The following RABEPK variants were observed in gnomAD, a reference collection of about 807,000 sequenced individuals.
RABEPK encodes 40 kDa Rab9 effector protein.
A neutral mutation model predicts 34.1 loss-of-function variants in RABEPK; 27 were observed. That is an observed-to-expected ratio of 0.79 (90% CI 0.58 to 1.09). The LOEUF (loss-of-function observed/expected upper bound fraction) is 1.09, where lower values mean the gene tolerates loss of function less well. Ranked by LOEUF, RABEPK falls within the 50% of genes least tolerant of loss-of-function variation. RABEPK has a pLI of 0.00. For missense variants in RABEPK, 449 were observed against 462.6 expected (o/e 0.97, Z 0.27); for synonymous variants, 172 against 169.2 (o/e 1.02, Z -0.13).
chr9:125,206,876 G>A (rs1347625758), intron 2 of RABEPK, among the ~76,000 whole-genome samples: 1 of 152,114 alleles, frequency 6.6e-6, no homozygotes, highest in African/African-American at 2.4e-5. Flanking sequence ...GATCACCTGA[G>A]GTCGGGAGTT....
intron 3 of RABEPK, among the ~76,000 whole-genome samples, chr9:125,211,098 G>A (rs551754466): frequency 5.3e-5 from 8 of 151,252 alleles, no homozygotes; most frequent in South Asian, 2.1e-4. Context: ...TTAGCCAGGC[G>A]TGGTGGCGGG....
At chr9:125,228,423 G>A (rs1354146422) in intron 6 of RABEPK, among the ~76,000 whole-genome samples, 2 of 152,124 alleles carry the variant, frequency 1.3e-5, no homozygotes, top group African/African-American at 4.8e-5. Context: ...TTGGGAGGCT[G>A]AGGCAGGCAT....
chr9:125,227,846 G>T, intron 5 of RABEPK, 64 bp from the exon 6 acceptor site: 4 of 1,459,372 alleles, frequency 2.7e-6, no homozygotes, highest in Middle Eastern at 1.8e-4. Flanking sequence ...AGAGGCTTGG[G>T]CCTGTTTCTC....
At chr9:125,201,030 C>G (rs1829875180) in intron 1 of RABEPK, 124 bp downstream of exon 1, 1 of 357,142 alleles carries the variant, frequency 2.8e-6, no homozygotes, top group Non-Finnish European at 5.6e-6. Flanking sequence ...GCCCAGCCCT[C>G]TAGGAACTTA....
At chr9:125,220,891 G>A (rs1361032091) in intron 5 of RABEPK, 191 bp downstream of exon 5, 2 of 696,944 alleles carry the variant, frequency 2.9e-6, no homozygotes, top group East Asian at 6.2e-5. Context: ...GTGAGGCCTG[G>A]CATGGTGGCT....
chr9:125,207,664 A>T lies in RABEPK; in HGVS notation c.154A>T (p.Ile52Phe), dbSNP rs757495384. 6.2e-7 allele frequency: 1 copy of T among 1,614,052 alleles called. No homozygotes were observed. The highest frequency in any genetic ancestry group is 8.5e-7 in the Non-Finnish European group (1 of 1,180,008). Reference sequence around the variant, plus strand: ...TAATGCCAAGAGAGGGAAGGTCTTCATTGTTGGGGGAGCAAATCCAAACAG... The same window carrying T: ...TAATGCCAAGAGAGGGAAGGTCTTCTTTGTTGGGGGAGCAAATCCAAACAG... ...VGNAKRGKVFIVGGANPNRSF... is the reference protein window; with the variant it reads ...VGNAKRGKVFFVGGANPNRSF... Residue 52 changes from isoleucine to phenylalanine, a missense_variant, in exon 3 of 8, where the codon ATT (isoleucine) becomes TTT (phenylalanine). By Grantham distance (21) the Ile-to-Phe change is conservative (BLOSUM62 0). Coordinates refer to ENST00000373538, the MANE Select transcript of RABEPK (RefSeq NM_005833.4).
rs571634369 is a variant in RABEPK at position 125,211,623 on chromosome 9, T to G, written c.212-1747T>G. Among the ~76,000 whole-genome samples, 3 of 152,238 alleles carry G rather than the reference T, an allele frequency of 2.0e-5. No homozygotes were observed. In the South Asian group the frequency reaches 6.2e-4, roughly 32 times the overall value. On this transcript the variant is annotated intron_variant, in intron 3 of 7. Transcript: ENST00000373538. ...TATCAAGAGGGCTCTTATTCTCCAG[T>G]TTGCCACAGTTTTTGTTACTCCCAC...
At chr9:125,203,120 A>C (rs1191350427) in intron 2 of RABEPK, 54 bp downstream of exon 2, 1 of 1,503,498 alleles carries the variant, frequency 6.7e-7, no homozygotes, top group Admixed American at 1.7e-5. Context: ...TTTCATTTAT[A>C]AGTAGTTTAT....
rs1172540030 is a variant in RABEPK, at chr9:125,207,661, T to G, written c.151T>G (p.Phe51Val). Residue 51 changes from phenylalanine to valine, a missense_variant, in exon 3 of 8, where the codon TTC becomes GTC. Coordinates refer to ENST00000373538, the MANE Select transcript of RABEPK (RefSeq NM_005833.4). ...TGGTAATGCCAAGAGAGGGAAGGTC[T>G]TCATTGTTGGGGGAGCAAATCCAAA... The part of the protein sequence containing the change: ...PVGNAKRGKV[F>V]IVGGANPNRS... 6.2e-7 allele frequency: 1 copy of G among 1,614,170 alleles called. No individual in the cohort carries two copies. Among genetic ancestry groups the G allele is most frequent in the Non-Finnish European group, 8.5e-7 (1 of 1,180,030 alleles).
At chr9:125,214,658 TTTTG>T (rs1830806329) in intron 4 of RABEPK, among the ~76,000 whole-genome samples, 2 of 152,330 alleles carry the variant, frequency 1.3e-5, no homozygotes, top group South Asian at 2.1e-4. Context: ...TCTTTTTGCC[TTTTG>T]TTTGTTTGTT....
intron 4 of RABEPK, among the ~76,000 whole-genome samples, chr9:125,219,957 A>G (rs1440524871): frequency 2.0e-5 from 3 of 152,062 alleles, no homozygotes; most frequent in Admixed American, 6.6e-5. Flanking sequence ...AAGAGGGTTC[A>G]GAGAGGATAT....
Position 125,220,501 on chromosome 9 carries a change from C to G in RABEPK, c.365-38C>G, listed in dbSNP as rs997624170. 3.1e-6 allele frequency: 5 copies of G among 1,593,474 alleles called. No individual in the cohort carries two copies. The African/African-American group carries it at 6.7e-5, about 21-fold the overall frequency. ...AGAGTCAAGGTCAGAAGCCCCTCTA[C>G]CTGGATATTTTAAGTGCCTGCATTC... On this transcript the variant is annotated intron_variant, in intron 4 of 7. Coordinates refer to ENST00000373538, the MANE Select transcript of RABEPK (RefSeq NM_005833.4).
At chr9:125,220,947 G>A (rs359578) in intron 5 of RABEPK, 280,234 of 388,194 alleles carry the variant, frequency 0.72, 102,046 homozygotes, top group African/African-American at 0.78. Context: ...CAGGTGGACC[G>A]CTTAAGGTCA....
chr9:125,228,044 C>T lies in RABEPK; in HGVS notation c.661C>T (p.His221Tyr). 17 of 1,588,022 alleles carry T rather than the reference C, an allele frequency of 1.1e-5. No homozygotes were observed. Among genetic ancestry groups the T allele is most frequent in the Non-Finnish European group, 1.4e-5 (16 of 1,165,134 alleles). Residue 221 changes from histidine (H) to tyrosine (Y), a missense_variant, in exon 6 of 8, where the codon CAC becomes TAC. Transcript: ENST00000373538. The stretch of plus-strand genomic sequence containing the variant: ...GGGGGACAGATTCTATGATGACCTC[C>T]ACTGCATTGATATAAGTAAGCAGGG... ...LAGDRFYDDL[H>Y]CIDISDMKWQ...
intron 2 of RABEPK, 26 bp from the exon 3 acceptor site, chr9:125,207,538 T>A: frequency 6.2e-7 from 1 of 1,609,074 alleles, no homozygotes; most frequent in Non-Finnish European, 8.5e-7. Context: ...TGCTCAGGCC[T>A]CCTGAATACA....
intron 4 of RABEPK, among the ~76,000 whole-genome samples, chr9:125,219,771 A>G (rs1415695580): frequency 6.6e-6 from 1 of 151,982 alleles, no homozygotes; most frequent in African/African-American, 2.4e-5. Context: ...GGCTCAAGCA[A>G]TCCTCCTACC....
intron 5 of RABEPK, among the ~76,000 whole-genome samples, chr9:125,227,501 A>G (rs1185021395): frequency 6.6e-6 from 1 of 151,130 alleles, no homozygotes; most frequent in Non-Finnish European, 1.5e-5. Flanking sequence ...GGCTCACTTC[A>G]ACCTCCACCT....
rs1233762500 is a variant in RABEPK, at chr9:125,204,026, C to T, written c.53+960C>T. 4.8e-5 allele frequency among the ~76,000 whole-genome samples: 4 copies of T among 83,044 alleles called. 1 individual carries two copies. The highest frequency in any genetic ancestry group is 9.0e-4 in the South Asian group (2 of 2,234). 54.5% of individuals were successfully genotyped at this position (83,044 alleles called of 152,430 possible). A position where few individuals can be genotyped will look rare whatever the true frequency, so the allele number is the denominator to read the frequency against. On this transcript the variant is annotated intron_variant, in intron 2 of 7. Transcript: ENST00000373538. ...CAGCATGGGCCACAGAGCAAGAATC[C>T]GTTTCAAAAAAAAAAAAAAAAAAAA...
At chr9:125,226,585 G>A (rs1831766343) in intron 5 of RABEPK, among the ~76,000 whole-genome samples, 1 of 152,032 alleles carries the variant, frequency 6.6e-6, no homozygotes, top group African/African-American at 2.4e-5. Context: ...ATTAGATGGG[G>A]CCGGGCACGG....
Sources: gnomAD v4.1 joint callset for allele counts (sites outside exome capture counted in the v4.1 genomes callset) on GRCh38, gnomAD v4.1.1 for gene constraint, MANE v1.5 for transcripts, NCBI Gene and HGNC (gene_info 2026-07-23, HGNC 2026-07-21) for gene names.